CNTN1: variants seen among roughly 807,000 people sequenced by gnomAD.
CNTN1 encodes the protein contactin 1, also known as contactin-1.
A neutral mutation model predicts 126.4 loss-of-function variants in CNTN1; 38 were observed. That is an observed-to-expected ratio of 0.30 (90% confidence interval 0.23 to 0.39). CNTN1 has a LOEUF of 0.39. Among genes scored for constraint, CNTN1 ranks in the 10% least tolerant of loss-of-function variants. The probability of loss-of-function intolerance (pLI) is 1.00; values close to 1 mark genes in which losing one functional copy is unlikely to be tolerated. For missense variants in CNTN1, 1,009 were observed against 1,248.4 expected, an observed-to-expected ratio of 0.81 and a Z score of 2.89; for synonymous variants, 413 against 422.6, an observed-to-expected ratio of 0.98 and a Z score of 0.28.
chr12:40,961,677 AC>A (rs1212525558), intron 15 of CNTN1, among the ~76,000 whole-genome samples: 1 of 152,046 alleles, frequency 6.6e-6, no homozygotes, highest in African/African-American at 2.4e-5. Context: ...GCAATGTCCC[AC>A]AAGGCATTAA....
At chr12:40,753,451 A>G (rs1938478371) in intron 1 of CNTN1, among the ~76,000 whole-genome samples, 2 of 152,112 alleles carry the variant, frequency 1.3e-5, no homozygotes, top group Non-Finnish European at 2.9e-5. Context: ...GGTTTAATAG[A>G]CTCACAGTTC....
At chr12:40,872,680 C>T (rs1033250114) in intron 1 of CNTN1, among the ~76,000 whole-genome samples, 1 of 145,828 alleles carries the variant, frequency 6.9e-6, no homozygotes, top group African/African-American at 2.6e-5. Flanking sequence ...AAGCAATTCT[C>T]CTGCCTCAGC....
intron 1 of CNTN1, among the ~76,000 whole-genome samples, chr12:40,876,966 C>G (rs1943689231): frequency 6.6e-6 from 1 of 152,066 alleles, no homozygotes; most frequent in African/African-American, 2.4e-5. Flanking sequence ...TCTTTGTATA[C>G]TGTTTCAAAA....
rs192707564 is a variant in CNTN1 at position 41,070,317 on chromosome 12, C to T, written c.*282C>T. On this transcript the variant is annotated 3_prime_UTR_variant, in exon 24 of 24. Transcript: ENST00000551295. The stretch of plus-strand genomic sequence containing the variant: ...TTCTGTGACAGTTGCATGATTTAAC[C>T]CAATGGGACAAGTTACAGTGTTCAA... 9.1e-5 allele frequency: 43 copies of T among 471,780 alleles called. 1 individual carries two copies. In the Admixed American group the frequency reaches 1.1e-3, roughly 12 times the overall value. 29.2% of individuals were successfully genotyped at this position (471,780 alleles called of 1,614,324 possible). A position where few individuals can be genotyped will look rare whatever the true frequency, so the allele number is the denominator to read the frequency against.
At chr12:40,787,905 C>G (rs1940087301) in intron 1 of CNTN1, among the ~76,000 whole-genome samples, 1 of 152,012 alleles carries the variant, frequency 6.6e-6, no homozygotes, top group African/African-American at 2.4e-5. Flanking sequence ...TGTGGCATCT[C>G]TTATGTAGAG....
intron 1 of CNTN1, among the ~76,000 whole-genome samples, chr12:40,847,249 T>C (rs1227915393): frequency 6.6e-6 from 1 of 152,158 alleles, no homozygotes. Context: ...CCATTTTTCT[T>C]CAATTAATAA....
chr12:40,936,285 G>A, intron 9 of CNTN1, among the ~76,000 whole-genome samples: 1 of 152,050 alleles, frequency 6.6e-6, no homozygotes, highest in Non-Finnish European at 1.5e-5. Flanking sequence ...AGGTGTCCAA[G>A]TCATTTTTCT....
chr12:40,827,940 A>G (rs1198061515), intron 1 of CNTN1: 1 of 152,134 alleles, frequency 6.6e-6, no homozygotes, highest in Non-Finnish European at 1.5e-5. Flanking sequence ...GTCGCCTCAG[A>G]TAGTTTCTTG....
At chr12:40,984,716 T>C (rs1947910294) in intron 16 of CNTN1, among the ~76,000 whole-genome samples, 1 of 152,162 alleles carries the variant, frequency 6.6e-6, no homozygotes, top group Non-Finnish European at 1.5e-5. Context: ...ACCAACTATG[T>C]ATCACCATCT....
At chr12:40,873,114 G>A (rs1432933935) in intron 1 of CNTN1, among the ~76,000 whole-genome samples, 1 of 152,098 alleles carries the variant, frequency 6.6e-6, no homozygotes, top group Non-Finnish European at 1.5e-5. Flanking sequence ...ACAATCATGT[G>A]ACTAAATTCT....
chr12:40,872,553 A>T (rs1457937051), intron 1 of CNTN1, among the ~76,000 whole-genome samples: 2 of 148,962 alleles, frequency 1.3e-5, no homozygotes, highest in African/African-American at 4.9e-5. Flanking sequence ...TATTGCATGT[A>T]CTAAGCATTT....
At position 40,957,988 on chromosome 12, in the gene CNTN1, C is replaced by T. The variant is rs58887286; in HGVS notation, c.1684-1126C>T. Among the ~76,000 whole-genome samples, 492 of 152,128 alleles carry T rather than the reference C, an allele frequency of 3.2e-3. 1 individual carries two copies. Among genetic ancestry groups the T allele is most frequent in the African/African-American group, 0.012 (481 of 41,532 alleles). Reference sequence around the variant, plus strand: ...TGAAGCAAAACGTTCACTCCATGTACAGTCATGATACATCATAGGTATCTA... The same window carrying T: ...TGAAGCAAAACGTTCACTCCATGTATAGTCATGATACATCATAGGTATCTA... On this transcript the variant is annotated intron_variant, in intron 14 of 23. Coordinates refer to ENST00000551295, the MANE Select transcript of CNTN1 (RefSeq NM_001843.4).
intron 23 of CNTN1, among the ~76,000 whole-genome samples, chr12:41,052,780 G>A (rs143837706): frequency 1.3e-5 from 2 of 152,060 alleles, no homozygotes; most frequent in Non-Finnish European, 2.9e-5. Flanking sequence ...AATAGTAAAT[G>A]TCTTAAGAAC....
At chr12:40,766,077 G>C (rs912852014) in intron 1 of CNTN1, among the ~76,000 whole-genome samples, 2 of 152,148 alleles carry the variant, frequency 1.3e-5, no homozygotes. Flanking sequence ...TGCATTCCAG[G>C]CTGGGCACGG....
At chr12:40,809,844 AC>A (rs1565767683) in intron 1 of CNTN1, among the ~76,000 whole-genome samples, 1 of 151,538 alleles carries the variant, frequency 6.6e-6, no homozygotes, top group East Asian at 1.9e-4. Flanking sequence ...ACACACACAC[AC>A]ACACAAAAGT....
intron 1 of CNTN1, among the ~76,000 whole-genome samples, chr12:40,887,039 T>C (rs550761770): frequency 2.6e-4 from 40 of 152,326 alleles, no homozygotes; most frequent in African/African-American, 9.4e-4. Context: ...TAGGATTGAC[T>C]TGGCAATGCA....
At chr12:40,951,715 T>TAA (rs71078286) in intron 14 of CNTN1, among the ~76,000 whole-genome samples, 8 of 110,046 alleles carry the variant, frequency 7.3e-5, no homozygotes, top group Non-Finnish European at 1.5e-4. Context: ...TCTCAAAATT[T>TAA]AAAAAAAAAA....
chr12:40,835,563 C>T (rs898075413), intron 1 of CNTN1, among the ~76,000 whole-genome samples: 7 of 152,012 alleles, frequency 4.6e-5, no homozygotes, highest in African/African-American at 1.5e-4. Flanking sequence ...AGCCAAAGCC[C>T]ATATGCCATT....
intron 15 of CNTN1, among the ~76,000 whole-genome samples, chr12:40,975,186 A>G (rs999163504): frequency 8.6e-5 from 1 of 11,584 alleles, no homozygotes; most frequent in African/African-American, 1.1e-3. Context: ...GATTATATAT[A>G]TATATATATA....
Sources: allele counts gnomAD v4.1 joint callset (sites outside exome capture counted in the v4.1 genomes callset), GRCh38; gene constraint gnomAD v4.1.1; transcripts MANE v1.5; gene names NCBI Gene and HGNC (gene_info 2026-07-23, HGNC 2026-07-21).